RIT2: variants seen among roughly 807,000 people sequenced by gnomAD.
The protein encoded by RIT2 is Ras like without CAAX 2.
A neutral mutation model predicts 23.7 loss-of-function variants in RIT2; 24 were observed. The observed-to-expected ratio is 1.01, with a 90% CI of 0.73 to 1.43. RIT2 has a LOEUF of 1.43. RIT2 is among the 40% of genes most tolerant of loss of function. The probability of loss-of-function intolerance (pLI) is 0.00; values close to 1 mark genes in which losing one functional copy is unlikely to be tolerated. For missense variants in RIT2, 236 were observed against 266.9 expected (o/e 0.88, Z 0.81); for synonymous variants, 107 against 91.1 (o/e 1.17, Z -0.99).
At chr18:42,957,269 C>T (rs1424902433) in intron 3 of RIT2, among the ~76,000 whole-genome samples, 2 of 151,908 alleles carry the variant, frequency 1.3e-5, no homozygotes, top group African/African-American at 2.4e-5. Context: ...TATTTTGATA[C>T]GATTAAAGTA....
At chr18:42,924,631 G>A (rs150778707) in intron 3 of RIT2, among the ~76,000 whole-genome samples, 198 of 152,132 alleles carry the variant, frequency 1.3e-3, no homozygotes, top group African/African-American at 4.5e-3. Context: ...GGTGGAATAA[G>A]CAATGAAAGA....
rs79646771 is a variant in RIT2 at position 43,022,731 on chromosome 18, A to G, written c.160+11080T>C. 5.7e-3 allele frequency among the ~76,000 whole-genome samples: 864 copies of G among 152,208 alleles called. 10 individuals carry two copies. Among genetic ancestry groups the G allele is most frequent in the African/African-American group, 0.02 (822 of 41,556 alleles). On this transcript the variant is annotated intron_variant, in intron 2 of 4. Transcript: ENST00000326695. ...TTTTTTCATTGCTATAGCCCAGCTC[A>G]GAAATAATGTCCTGAACATATTAGA...
chr18:42,921,983 G>C (rs1909066357), intron 4 of RIT2, among the ~76,000 whole-genome samples: 1 of 152,140 alleles, frequency 6.6e-6, no homozygotes, highest in Non-Finnish European at 1.5e-5. Context: ...TTAACCCATA[G>C]AAATGCAACA....
At chr18:42,767,945 T>C (rs1913464206) in intron 4 of RIT2, among the ~76,000 whole-genome samples, 1 of 152,288 alleles carries the variant, frequency 6.6e-6, no homozygotes, top group African/African-American at 2.4e-5. Flanking sequence ...CCCAGCCATG[T>C]GGAACTGTAA....
At chr18:42,884,606 T>G (rs1568020996) in intron 4 of RIT2, among the ~76,000 whole-genome samples, 1 of 152,224 alleles carries the variant, frequency 6.6e-6, no homozygotes, top group Non-Finnish European at 1.5e-5. Context: ...TGTTTGAACT[T>G]ACTGGAGAGT....
intron 4 of RIT2, among the ~76,000 whole-genome samples, chr18:42,811,097 A>G (rs940440480): frequency 6.6e-6 from 1 of 151,994 alleles, no homozygotes; most frequent in African/African-American, 2.4e-5. Flanking sequence ...TGACCTCAAA[A>G]GCCTCTTTTA....
chr18:42,930,087 T>A (rs1305616575), intron 3 of RIT2, among the ~76,000 whole-genome samples: 2 of 152,060 alleles, frequency 1.3e-5, no homozygotes, highest in African/African-American at 4.8e-5. Flanking sequence ...AAAGAGGTGG[T>A]ATGTTCTTGT....
intron 4 of RIT2, among the ~76,000 whole-genome samples, chr18:42,834,530 C>T (rs2144014318): frequency 6.6e-6 from 1 of 152,088 alleles, no homozygotes; most frequent in African/African-American, 2.4e-5. Context: ...TGTTATCATA[C>T]TCTCTGTCTC....
At chr18:42,826,367 T>A (rs776729266) in intron 4 of RIT2, among the ~76,000 whole-genome samples, 4 of 152,076 alleles carry the variant, frequency 2.6e-5, no homozygotes, top group Non-Finnish European at 5.9e-5. Flanking sequence ...ATGATAATGT[T>A]TAATATTGTA....
intron 4 of RIT2, among the ~76,000 whole-genome samples, chr18:42,828,805 C>T (rs16976994): frequency 0.036 from 5,522 of 152,286 alleles, 325 homozygotes; most frequent in African/African-American, 0.12. Flanking sequence ...CCTTATCATG[C>T]TTCTCTTGTT....
Position 42,982,302 on chromosome 18 carries a change from G to A in RIT2, c.161-8155C>T, listed in dbSNP as rs147705514. On this transcript the variant is annotated intron_variant, in intron 2 of 4. Transcript: ENST00000326695. ...TCAGAGAAAGATCAATTCACCTTCC[G>A]CATTTGTTCTCTGCGGGCCCCCAGT... 6.4e-3 allele frequency among the ~76,000 whole-genome samples: 976 copies of A among 152,154 alleles called. 13 individuals carry two copies. Among genetic ancestry groups the A allele is most frequent in the Middle Eastern group, 0.024 (7 of 294 alleles).
At chr18:43,052,859 C>G (rs531305813) in intron 1 of RIT2, among the ~76,000 whole-genome samples, 2 of 151,976 alleles carry the variant, frequency 1.3e-5, no homozygotes, top group African/African-American at 4.8e-5. Flanking sequence ...GAGAAAGTGG[C>G]CAGGAGTGAG....
intron 4 of RIT2, among the ~76,000 whole-genome samples, chr18:42,884,094 C>T (rs922060201): frequency 6.6e-6 from 1 of 152,156 alleles, no homozygotes; most frequent in Non-Finnish European, 1.5e-5. Context: ...AAGACGTTCT[C>T]CAGGAGAAAA....
chr18:42,780,070 T>TTTG (rs1178581504), intron 4 of RIT2, among the ~76,000 whole-genome samples: 1 of 142,212 alleles, frequency 7.0e-6, no homozygotes, highest in Non-Finnish European at 1.5e-5. Flanking sequence ...TTTTTTTTTT[T>TTTG]TTTTGCCAAG....
chr18:42,858,742 G>GA (rs1568014619), intron 4 of RIT2, among the ~76,000 whole-genome samples: 1 of 152,102 alleles, frequency 6.6e-6, no homozygotes, highest in African/African-American at 2.4e-5. Flanking sequence ...TGGCAACCAC[G>GA]AATCTACTTT....
chr18:43,093,026 C>A (rs72910682), intron 1 of RIT2, among the ~76,000 whole-genome samples: 1 of 151,852 alleles, frequency 6.6e-6, no homozygotes, highest in African/African-American at 2.4e-5. Flanking sequence ...CAATAGCTAT[C>A]GTAATTGTTT....
chr18:42,843,292 T>G (rs1906817659), intron 4 of RIT2, among the ~76,000 whole-genome samples: 1 of 152,208 alleles, frequency 6.6e-6, no homozygotes, highest in South Asian at 2.1e-4. Flanking sequence ...TTCAAACCCA[T>G]GAGTTTTAAA....
intron 2 of RIT2, among the ~76,000 whole-genome samples, chr18:43,003,935 A>G (rs1419989065): frequency 2.6e-5 from 4 of 151,682 alleles, no homozygotes; most frequent in Admixed American, 1.3e-4. Context: ...ATGATATTCA[A>G]TATGACCTTC....
chr18:42,786,867 T>A (rs1461295517), intron 4 of RIT2, among the ~76,000 whole-genome samples: 2 of 152,148 alleles, frequency 1.3e-5, no homozygotes, highest in African/African-American at 2.4e-5. Flanking sequence ...CCTATGTTGT[T>A]TTATCCTCAT....
Sources: gnomAD v4.1 joint callset for allele counts (sites outside exome capture counted in the v4.1 genomes callset) on GRCh38, gnomAD v4.1.1 for gene constraint, MANE v1.5 for transcripts, NCBI Gene and HGNC (gene_info 2026-07-23, HGNC 2026-07-21) for gene names.